The following PRRC1 variants were observed in gnomAD, a reference collection of about 807,000 sequenced individuals.
The protein encoded by PRRC1 is proline rich coiled-coil 1.
In PRRC1, 39 loss-of-function variants were observed where a neutral mutation model predicts 40.7. That is an observed-to-expected ratio of 0.96 (90% CI 0.74 to 1.25). The LOEUF (loss-of-function observed/expected upper bound fraction) is 1.25. Among genes scored for constraint, PRRC1 ranks in the 50% most tolerant of loss-of-function variants. PRRC1 has a pLI of 0.00. For missense variants in PRRC1, 573 were observed against 548.3 expected, an observed-to-expected ratio of 1.05 and a Z score of -0.45; for synonymous variants, 175 against 193.3, an observed-to-expected ratio of 0.91 and a Z score of 0.79.
chr5:127,524,258 C>T (rs1767540466), intron 2 of PRRC1: 1 of 327,534 alleles, frequency 3.1e-6, no homozygotes, highest in South Asian at 6.4e-5. Context: ...TGAAAAATCG[C>T]TTTATTTTAT....
intron 8 of PRRC1, chr5:127,550,489 C>G (rs1768349526): frequency 6.6e-6 from 1 of 151,940 alleles, no homozygotes; most frequent in African/African-American, 2.4e-5. Context: ...TAAATGATTC[C>G]TCACCCCCAT....
rs1767696423 is a variant in PRRC1, at chr5:127,528,980, G to A, written c.655-1314G>A. 2.0e-5 allele frequency among the ~76,000 whole-genome samples: 3 copies of A among 152,256 alleles called. No individual in the cohort carries two copies. The South Asian group carries it at 6.2e-4, about 32-fold the overall frequency. On this transcript the variant is annotated intron_variant, in intron 4 of 8. Transcript: ENST00000296666. ...TAATTACTTTTACTTTGTGTTCATT[G>A]TACTAACGTGTACTGAGGTGGGGAT... is the stretch of plus-strand genomic sequence containing the variant.
chr5:127,532,245 C>G (rs1471867075), intron 5 of PRRC1, among the ~76,000 whole-genome samples: 1 of 151,566 alleles, frequency 6.6e-6, no homozygotes, highest in Admixed American at 6.6e-5. Flanking sequence ...AGTAGCTGGA[C>G]CTACAGGTGC....
chr5:127,536,373 T>C (rs1767902327), intron 6 of PRRC1, among the ~76,000 whole-genome samples: 1 of 152,036 alleles, frequency 6.6e-6, no homozygotes, highest in South Asian at 2.1e-4. Context: ...TGTATATATA[T>C]AAGATAAACC....
chr5:127,553,222 T>C lies in PRRC1; in HGVS notation c.*1306T>C, dbSNP rs1768438835. 16 of 985,784 alleles carry C rather than the reference T, an allele frequency of 1.6e-5. No homozygotes were observed. The highest frequency in any genetic ancestry group is 1.6e-5 in the Non-Finnish European group (13 of 830,188). 61.1% of individuals were successfully genotyped at this position (985,784 alleles called of 1,614,324 possible). ...TTGAAGCTCTTGTCCTGCACTGTCTTTAGGTATCATAGGTATCAGGTTTGC... is the reference window on the plus strand; with the variant it reads ...TTGAAGCTCTTGTCCTGCACTGTCTCTAGGTATCATAGGTATCAGGTTTGC... On this transcript the variant is annotated 3_prime_UTR_variant, in exon 9 of 9. Transcript: ENST00000296666.
At chr5:127,535,491 A>T (rs1177623890) in intron 6 of PRRC1, among the ~76,000 whole-genome samples, 2 of 152,210 alleles carry the variant, frequency 1.3e-5, no homozygotes, top group Non-Finnish European at 2.9e-5. Context: ...AGCCTCAGCT[A>T]GGAGTGTATG....
chr5:127,548,174 TTTC>T (rs1485347747), intron 8 of PRRC1: 1 of 537,784 alleles, frequency 1.9e-6, no homozygotes, highest in East Asian at 2.9e-5. Context: ...CTCTCATTTT[TTTC>T]TTTGTTTTTA....
intron 7 of PRRC1, among the ~76,000 whole-genome samples, chr5:127,544,222 G>A (rs1053072771): frequency 4.6e-5 from 7 of 152,186 alleles, no homozygotes; most frequent in Admixed American, 2.6e-4. Context: ...CTGTCTGATC[G>A]TTCCTCTGGA....
intron 6 of PRRC1, chr5:127,534,028 ATAGT>A (rs1225172525): frequency 3.0e-5 from 17 of 570,456 alleles, no homozygotes; most frequent in Admixed American, 1.4e-4. Flanking sequence ...CACAAAAGGA[ATAGT>A]TAGTCCTAAA....
rs1339389722 is a variant in PRRC1 at position 127,517,674 on chromosome 5, A to C, written c.-123A>C. 6.6e-6 allele frequency: 1 copy of C among 151,926 alleles called. No homozygotes were observed. The highest frequency in any genetic ancestry group is 2.4e-5 in the African/African-American group (1 of 41,404). The allele number at this position is 151,926 out of a possible 1,614,324, so 9.4% of individuals were successfully genotyped here. A position where few individuals can be genotyped will look rare whatever the true frequency, so the allele number is the denominator to read the frequency against. ...GCGGGGACACGCCGAGGTAACTTCC[A>C]GGGTGCGCCTTCGTTGTCTTCTCCA... On this transcript the variant is annotated 5_prime_UTR_variant, in exon 1 of 9. Coordinates refer to ENST00000296666, the MANE Select transcript of PRRC1 (RefSeq NM_130809.5).
chr5:127,544,283 C>G (rs1269694708), intron 7 of PRRC1, among the ~76,000 whole-genome samples: 2 of 152,130 alleles, frequency 1.3e-5, no homozygotes, highest in Non-Finnish European at 2.9e-5. Context: ...GTCAGTCTGA[C>G]CTTACTGGGG....
Position 127,552,830 on chromosome 5 carries a change from C to T in PRRC1, c.*914C>T, listed in dbSNP as rs1433039360. The T allele has an allele frequency of 1.0e-6, 1 of 985,128 alleles. No homozygotes were observed. Among genetic ancestry groups the T allele is most frequent in the Non-Finnish European group, 1.2e-6 (1 of 829,466 alleles). The allele number at this position is 985,128 out of a possible 1,614,324, so 61.0% of individuals were successfully genotyped here. A position where few individuals can be genotyped will look rare whatever the true frequency, so the allele number is the denominator to read the frequency against. ...TTGTGGGTTAGTATGTCTCTTACTT[C>T]AATTAAGGTTACTTATTTGGTTTGC... On this transcript the variant is annotated 3_prime_UTR_variant, in exon 9 of 9. Transcript: ENST00000296666.
At position 127,553,977 on chromosome 5, in the gene PRRC1, T is replaced by C; in HGVS notation, c.*2061T>C. ...ACATGAACTGCTCTGGCCTCTCTGGTTCTGTTCTTGGCCCAGAGTTTTTGA... is the reference window on the plus strand; with the variant it reads ...ACATGAACTGCTCTGGCCTCTCTGGCTCTGTTCTTGGCCCAGAGTTTTTGA... On this transcript the variant is annotated 3_prime_UTR_variant, in exon 9 of 9. Transcript: ENST00000296666. The C allele has an allele frequency of 6.9e-7, 1 of 1,445,360 alleles. No homozygotes were observed. The highest frequency in any genetic ancestry group is 2.3e-5 in the Admixed American group (1 of 42,804). The allele number at this position is 1,445,360 out of a possible 1,614,324, so 89.5% of individuals were successfully genotyped here. A position where few individuals can be genotyped will look rare whatever the true frequency, so the allele number is the denominator to read the frequency against.
intron 7 of PRRC1, among the ~76,000 whole-genome samples, chr5:127,546,282 T>G (rs1355686287): frequency 6.6e-6 from 1 of 152,238 alleles, no homozygotes; most frequent in Non-Finnish European, 1.5e-5. Flanking sequence ...TTTGAATGCC[T>G]GTATCTTTAA....
chr5:127,533,871 C>A, intron 6 of PRRC1, 85 bp downstream of exon 6: 3 of 1,406,838 alleles, frequency 2.1e-6, no homozygotes, highest in Non-Finnish European at 3.0e-6. Flanking sequence ...CTCTATGGAG[C>A]TAATAGACTT....
intron 7 of PRRC1, among the ~76,000 whole-genome samples, chr5:127,543,253 C>G (rs915983420): frequency 2.0e-5 from 3 of 151,788 alleles, no homozygotes; most frequent in South Asian, 2.1e-4. Flanking sequence ...CTGTTAGTCT[C>G]ATGGGCTTCC....
intron 6 of PRRC1, among the ~76,000 whole-genome samples, chr5:127,538,156 C>G (rs1393377817): frequency 1.3e-5 from 2 of 151,988 alleles, no homozygotes; most frequent in African/African-American, 4.8e-5. Flanking sequence ...CTTACACGTT[C>G]TCGCACAGTT....
At position 127,553,576 on chromosome 5, in the gene PRRC1, G is replaced by A; in HGVS notation, c.*1660G>A. On this transcript the variant is annotated 3_prime_UTR_variant, in exon 9 of 9. Coordinates refer to ENST00000296666, the MANE Select transcript of PRRC1 (RefSeq NM_130809.5). Reference sequence around the variant, plus strand: ...TCCTTTTCTAGTAGTATTTTATCATGGCAATGGCATGATGACAACAACAGT... The same window carrying A: ...TCCTTTTCTAGTAGTATTTTATCATAGCAATGGCATGATGACAACAACAGT... 1.6e-6 allele frequency: 2 copies of A among 1,276,074 alleles called. No individual in the cohort carries two copies. Among genetic ancestry groups the A allele is most frequent in the Non-Finnish European group, 2.0e-6 (2 of 1,006,790 alleles). The allele number at this position is 1,276,074 out of a possible 1,614,324, so 79.0% of individuals were successfully genotyped here.
intron 7 of PRRC1, among the ~76,000 whole-genome samples, chr5:127,540,536 T>A (rs1768014196): frequency 2.0e-5 from 3 of 152,116 alleles, no homozygotes; most frequent in South Asian, 4.1e-4. Flanking sequence ...AGTACTTCCT[T>A]TGATAATACA....
Sources: allele counts gnomAD v4.1 joint callset (sites outside exome capture counted in the v4.1 genomes callset), GRCh38; gene constraint gnomAD v4.1.1; transcripts MANE v1.5; gene names NCBI Gene and HGNC (gene_info 2026-07-23, HGNC 2026-07-21).